Variants in ZNF26 observed in about 807,000 individuals in gnomAD.
ZNF26 encodes epididymis luminal protein 179.
Under a neutral mutation model 54.9 loss-of-function variants are expected in ZNF26, and 32 were observed. The observed-to-expected ratio is 0.58, with a 90% CI of 0.44 to 0.78. The LOEUF is 0.78. Ranked by LOEUF, ZNF26 falls within the 30% of genes least tolerant of loss-of-function variation. The pLI, the probability that ZNF26 is intolerant of heterozygous loss-of-function variation, is 0.00. For synonymous variants in ZNF26, 221 were observed against 209.2 expected, an observed-to-expected ratio of 1.06 and a Z score of -0.49; for missense variants, 524 against 634.0, an observed-to-expected ratio of 0.83 and a Z score of 1.86.
At chr12:133,007,715 G>C (rs1953361397) in intron 3 of ZNF26, among the ~76,000 whole-genome samples, 183 bp downstream of exon 3, 1 of 152,102 alleles carries the variant, frequency 6.6e-6, no homozygotes, top group South Asian at 2.1e-4. Flanking sequence ...TCATATATTT[G>C]GGTTTTTCTT....
At chr12:132,999,455 C>T (rs982569462) in intron 1 of ZNF26, among the ~76,000 whole-genome samples, 1 of 152,062 alleles carries the variant, frequency 6.6e-6, no homozygotes, top group Non-Finnish European at 1.5e-5. Context: ...TGGGGTTTCA[C>T]TGTGTTAGTC....
Position 133,020,229 on chromosome 12 carries a change from C to T in ZNF26, c.*8748C>T, listed in dbSNP as rs1953621735. 6.6e-6 allele frequency: 1 copy of T among 152,086 alleles called. No homozygotes were observed. Among genetic ancestry groups the T allele is most frequent in the Non-Finnish European group, 1.5e-5 (1 of 68,032 alleles). 9.4% of individuals were successfully genotyped at this position (152,086 alleles called of 1,614,324 possible). The stretch of plus-strand genomic sequence containing the variant: ...GTCATTTGCAGCAACTGGGATGGAA[C>T]TGAAAGCCATTATAATAAGTGAAAT... On this transcript the variant is annotated 3_prime_UTR_variant, in exon 4 of 4. Coordinates refer to ENST00000328654, the MANE Select transcript of ZNF26 (RefSeq NM_019591.4).
chr12:133,007,710 T>C (rs1438776819), intron 3 of ZNF26, among the ~76,000 whole-genome samples, 178 bp downstream of exon 3: 1 of 152,182 alleles, frequency 6.6e-6, no homozygotes, highest in African/African-American at 2.4e-5. Context: ...ACTCTTCATA[T>C]ATTTGGGTTT....
At position 132,986,844 on chromosome 12, in the gene ZNF26, G is replaced by T; in HGVS notation, c.4G>T (p.Ala2Ser). 1 of 1,606,488 alleles carries T rather than the reference G, an allele frequency of 6.2e-7. No homozygotes were observed. The highest frequency in any genetic ancestry group is 1.7e-5 in the Admixed American group (1 of 58,846). M[A>S]TSFRTASCWG... is the part of the protein sequence containing the mutation. ...GCGCGCGAACGTGGGCGTGGGGATG[G>T]CCACCAGTTTCCGGACAGCTTCGTG... is the stretch of plus-strand genomic sequence containing the variant. The change falls in exon 1 of 4, where the codon GCC (alanine) becomes TCC (serine). Residue 2 changes from alanine to serine, a missense_variant. By Grantham distance (99) the Ala-to-Ser change is moderately conservative. Coordinates refer to ENST00000328654, the MANE Select transcript of ZNF26 (RefSeq NM_019591.4).
At chr12:133,000,408 T>C (rs745414753) in intron 1 of ZNF26, among the ~76,000 whole-genome samples, 1,908 of 137,590 alleles carry the variant, frequency 0.014, 25 homozygotes, top group Non-Finnish European at 0.022. Flanking sequence ...TGCGCCGCCA[T>C]ACCTGGCTAA....
At chr12:132,995,635 C>G (rs1220037477) in intron 1 of ZNF26, among the ~76,000 whole-genome samples, 7 of 151,936 alleles carry the variant, frequency 4.6e-5, no homozygotes, top group Non-Finnish European at 1.0e-4. Flanking sequence ...AAGGAATAAC[C>G]ACAGAGACTG....
At chr12:133,003,593 C>T (rs927280715) in intron 1 of ZNF26, among the ~76,000 whole-genome samples, 1 of 152,212 alleles carries the variant, frequency 6.6e-6, no homozygotes, top group South Asian at 2.1e-4. Context: ...TACTGTATTC[C>T]TGTATGTAAT....
intron 1 of ZNF26, among the ~76,000 whole-genome samples, chr12:133,002,546 A>G (rs1953241519): frequency 6.6e-6 from 1 of 151,728 alleles, no homozygotes; most frequent in African/African-American, 2.4e-5. Flanking sequence ...AGCTGCCCTG[A>G]TCACCGTGTC....
In ZNF26 at chr12:133,011,034, C is replaced by G. The variant is rs1451693194; in HGVS notation, c.1155C>G (p.Leu385=). ...AAGCCTTTGGTAGGAAGGAACAGCT[C>G]ACTGCACATCTGAGAGCTCATGCAG... The part of the protein sequence containing the change: ...CGKAFGRKEQ[L]TAHLRAHAGE... The change falls in exon 4 of 4, where the codon CTC becomes CTG. Residue 385 remains leucine (L), a synonymous_variant. Coordinates refer to ENST00000328654, the MANE Select transcript of ZNF26 (RefSeq NM_019591.4). 1 of 1,613,994 alleles carries G rather than the reference C, an allele frequency of 6.2e-7. No individual in the cohort carries two copies. The highest frequency in any genetic ancestry group is 8.5e-7 in the Non-Finnish European group (1 of 1,180,028).
rs1166224410 is a variant in ZNF26, at chr12:133,022,185, T to G, written c.*10704T>G. Reference sequence around the variant, plus strand: ...GTGAGCCGGGATCACATCACTGCACTCCAGCCTGGGTGACAGAGTGAGACC... The same window carrying G: ...GTGAGCCGGGATCACATCACTGCACGCCAGCCTGGGTGACAGAGTGAGACC... On this transcript the variant is annotated 3_prime_UTR_variant, in exon 4 of 4. Coordinates refer to ENST00000328654, the MANE Select transcript of ZNF26 (RefSeq NM_019591.4). 2 of 152,122 alleles carry G rather than the reference T, an allele frequency of 1.3e-5. No individual in the cohort carries two copies. Among genetic ancestry groups the G allele is most frequent in the Non-Finnish European group, 2.9e-5 (2 of 68,008 alleles). 9.4% of individuals were successfully genotyped at this position (152,122 alleles called of 1,614,324 possible). A position where few individuals can be genotyped will look rare whatever the true frequency, so the allele number is the denominator to read the frequency against.
At chr12:133,006,229 G>A in intron 1 of ZNF26, 1 of 985,422 alleles carries the variant, frequency 1.0e-6, no homozygotes. Context: ...GCAAGAGATG[G>A]AAGCCCCAGA....
chr12:133,010,293 C>G lies in ZNF26; in HGVS notation c.414C>G (p.Asn138Lys), dbSNP rs976566106. The change falls in exon 4 of 4, where the codon AAC becomes AAG. Residue 138 changes from asparagine to lysine, a missense_variant. Transcript: ENST00000328654. ...YNTRGKSLTQ[N>K]SAPSRSYLRK... ...CACGTGGAAAAAGTTTGACACAAAA[C>G]TCAGCTCCAAGCAGAAGTTATTTAA... The G allele has an allele frequency of 6.2e-7, 1 of 1,613,742 alleles. No homozygotes were observed. Among genetic ancestry groups the G allele is most frequent in the Admixed American group, 1.7e-5 (1 of 59,978 alleles).
chr12:132,998,958 C>T (rs2137231622), intron 1 of ZNF26, among the ~76,000 whole-genome samples: 1 of 152,270 alleles, frequency 6.6e-6, no homozygotes, highest in Admixed American at 6.5e-5. Flanking sequence ...ACATACTTTA[C>T]CCAATTGCCC....
At position 133,012,588 on chromosome 12, in the gene ZNF26, T is replaced by TG. The variant is rs1953503684; in HGVS notation, c.*1107_*1108insG. The TG allele has an allele frequency of 3.3e-5, 4 of 121,000 alleles. No homozygotes were observed. Among genetic ancestry groups the TG allele is most frequent in the South Asian group, 3.0e-4 (1 of 3,384 alleles). The allele number at this position is 121,000 out of a possible 1,614,324, so 7.5% of individuals were successfully genotyped here. A position where few individuals can be genotyped will look rare whatever the true frequency, so the allele number is the denominator to read the frequency against. Reference sequence around the variant, plus strand: ...CTTTTTGTTGTTTGGGTTTTTTTTTTTTTTTTTTTTTTTTTTTTTTTGAGA... The same window carrying TG: ...CTTTTTGTTGTTTGGGTTTTTTTTTTGTTTTTTTTTTTTTTTTTTTTTGAGA... On this transcript the variant is annotated 3_prime_UTR_variant, in exon 4 of 4. Transcript: ENST00000328654.
At chr12:132,989,715 T>A (rs1331848102) in intron 1 of ZNF26, among the ~76,000 whole-genome samples, 1 of 152,194 alleles carries the variant, frequency 6.6e-6, no homozygotes, top group Non-Finnish European at 1.5e-5. Context: ...AGATTTCAGG[T>A]TTTTGGAACA....
At chr12:132,997,616 C>T (rs1953116140) in intron 1 of ZNF26, among the ~76,000 whole-genome samples, 1 of 152,140 alleles carries the variant, frequency 6.6e-6, no homozygotes, top group Admixed American at 6.6e-5. Flanking sequence ...GCTTTAGCAG[C>T]AGTGCAGTGG....
rs1400521148 is a variant in ZNF26 at position 133,007,145 on chromosome 12, A to G, written c.137A>G (p.Asn46Ser). The G allele has an allele frequency of 1.6e-5, 26 of 1,614,040 alleles. No homozygotes were observed. The highest frequency in any genetic ancestry group is 2.1e-5 in the Non-Finnish European group (25 of 1,180,024). ...KYLYRDVILE[N>S]YHNLISVGYH... ...CTGTACAGAGATGTGATATTGGAAAACTATCATAACCTGATATCAGTGGGT... is the reference window on the plus strand; with the variant it reads ...CTGTACAGAGATGTGATATTGGAAAGCTATCATAACCTGATATCAGTGGGT... Residue 46 changes from asparagine to serine, a missense_variant, in exon 2 of 4, where the codon AAC becomes AGC. Physicochemically the swap from Asn to Ser is conservative, Grantham distance 46. Coordinates refer to ENST00000328654, the MANE Select transcript of ZNF26 (RefSeq NM_019591.4).
chr12:132,996,347 G>A (rs956652356), intron 1 of ZNF26, among the ~76,000 whole-genome samples: 8 of 152,182 alleles, frequency 5.3e-5, no homozygotes, highest in Admixed American at 3.9e-4. Context: ...ATGGCCCAGC[G>A]AGGTAACAGC....
Position 132,986,586 on chromosome 12 carries a change from G to A in ZNF26, c.-255G>A. Reference sequence around the variant, plus strand: ...GGCCAGATCAGCCTCCTGCTCTCCCGAGTCAGGGCCACGGAAAGGCACAAA... The same window carrying A: ...GGCCAGATCAGCCTCCTGCTCTCCCAAGTCAGGGCCACGGAAAGGCACAAA... On this transcript the variant is annotated 5_prime_UTR_variant, in exon 1 of 4. Transcript: ENST00000328654. 1.7e-6 allele frequency: 1 copy of A among 574,654 alleles called. No individual in the cohort carries two copies. The highest frequency in any genetic ancestry group is 2.1e-5 in the South Asian group (1 of 47,548). 35.6% of individuals were successfully genotyped at this position (574,654 alleles called of 1,614,324 possible). A position where few individuals can be genotyped will look rare whatever the true frequency, so the allele number is the denominator to read the frequency against.
Sources: allele counts gnomAD v4.1 joint callset (sites outside exome capture counted in the v4.1 genomes callset), GRCh38; gene constraint gnomAD v4.1.1; transcripts MANE v1.5; gene names NCBI Gene and HGNC (gene_info 2026-07-23, HGNC 2026-07-21).